MGAM2: variants seen among roughly 807,000 people sequenced by gnomAD.
MGAM2 encodes maltase-glucoamylase 2 (putative), also known as probable maltase-glucoamylase 2.
A neutral mutation model predicts 96.1 loss-of-function variants in MGAM2; 98 were observed. The ratio of observed to expected loss-of-function variants is 1.02; its 90% CI spans 0.87 to 1.21. The LOEUF (loss-of-function observed/expected upper bound fraction) is 1.21. Among genes scored for constraint, MGAM2 ranks in the 50% most tolerant of loss-of-function variants. The pLI is 0.00. For synonymous variants in MGAM2, 749 were observed against 414.8 expected (o/e 1.81, Z -9.79); for missense variants, 2,055 against 1,182.4 (o/e 1.74, Z -10.82).
intron 42 of MGAM2, 102 bp downstream of exon 42, chr7:142,197,830 C>G: frequency 1.5e-6 from 1 of 677,436 alleles, no homozygotes; most frequent in Non-Finnish European, 2.7e-6. Context: ...TCACTATTTT[C>G]AGGCGAATGC....
Position 142,148,195 on chromosome 7 carries a change from T to C in MGAM2, c.1634+622T>C, listed in dbSNP as rs192709770. On this transcript the variant is annotated intron_variant, in intron 15 of 47. Transcript: ENST00000477922. The surrounding 1 kb of genome is among the most constrained non-coding windows in gnomAD (Gnocchi z 4.2). ...AACCACACCATTACTACCACCATTA[T>C]TGCCATCACCACCACCATCACTACC... 2.8e-3 allele frequency among the ~76,000 whole-genome samples: 421 copies of C among 151,566 alleles called. 2 individuals carry two copies. The highest frequency in any genetic ancestry group is 7.1e-3 in the South Asian group (34 of 4,796).
At chr7:142,185,673 AG>A (rs1047085258) in intron 34 of MGAM2, among the ~76,000 whole-genome samples, 1 of 152,138 alleles carries the variant, frequency 6.6e-6, no homozygotes, top group Non-Finnish European at 1.5e-5. Context: ...AAAAAAAAAA[AG>A]AAAAAGTATT....
intron 2 of MGAM2, among the ~76,000 whole-genome samples, chr7:142,118,502 C>A (rs747398722): frequency 8.5e-5 from 13 of 152,160 alleles, no homozygotes; most frequent in Non-Finnish European, 1.5e-4. Context: ...ACTGTTTCCT[C>A]CAAATTCTGC....
At chr7:142,144,546 A>T (rs940805188) in intron 13 of MGAM2, among the ~76,000 whole-genome samples, 1 of 152,240 alleles carries the variant, frequency 6.6e-6, no homozygotes, top group African/African-American at 2.4e-5. Context: ...ATAAATATTT[A>T]CAATTTGTAA....
chr7:142,171,055 C>T lies in MGAM2; in HGVS notation c.3183-217C>T, dbSNP rs1329854602. 7 of 578,578 alleles carry T rather than the reference C, an allele frequency of 1.2e-5. No individual in the cohort carries two copies. The African/African-American group carries it at 1.3e-4, about 11-fold the overall frequency. The allele number at this position is 578,578 out of a possible 1,614,324, so 35.8% of individuals were successfully genotyped here. On this transcript the variant is annotated intron_variant, in intron 27 of 47. Coordinates refer to ENST00000477922, the MANE Select transcript of MGAM2 (RefSeq NM_001293626.2). Reference sequence around the variant, plus strand: ...TGCCCACAAGGACCCAGAAAAGGAGCTCTCAGTCTGACAAACCACAGAACA... The same window carrying T: ...TGCCCACAAGGACCCAGAAAAGGAGTTCTCAGTCTGACAAACCACAGAACA...
intron 17 of MGAM2, among the ~76,000 whole-genome samples, chr7:142,155,505 T>C (rs1329811159): frequency 1.3e-5 from 2 of 152,228 alleles, no homozygotes; most frequent in Non-Finnish European, 2.9e-5. Context: ...GGTTTAGCTC[T>C]TAATAGGTTC....
intron 5 of MGAM2, 85 bp downstream of exon 5, chr7:142,131,712 C>T: frequency 3.0e-6 from 2 of 658,592 alleles, no homozygotes; most frequent in Non-Finnish European, 5.5e-6. Context: ...CAGAAGGTAC[C>T]TCTCTCCCTC....
At chr7:142,178,873 A>G (rs1483049439) in intron 32 of MGAM2, among the ~76,000 whole-genome samples, 3 of 152,092 alleles carry the variant, frequency 2.0e-5, no homozygotes, top group African/African-American at 7.2e-5. Context: ...GGCCATTGTA[A>G]TGATGTTAAT....
At chr7:142,117,104 A>G in intron 2 of MGAM2, 125 bp downstream of exon 2, 1 of 637,024 alleles carries the variant, frequency 1.6e-6, no homozygotes, top group South Asian at 1.8e-5. Flanking sequence ...ATTCACTTCC[A>G]TGATTAGTTT....
chr7:142,142,517 G>GGT (rs1563257133), intron 12 of MGAM2, among the ~76,000 whole-genome samples: 3 of 137,282 alleles, frequency 2.2e-5, no homozygotes, highest in South Asian at 2.3e-4. Context: ...GGTGCATAGT[G>GGT]GTGTGTGTTT....
At chr7:142,203,922 T>G (rs1025386130) in intron 45 of MGAM2, among the ~76,000 whole-genome samples, 6 of 152,104 alleles carry the variant, frequency 3.9e-5, no homozygotes, top group African/African-American at 1.4e-4. Flanking sequence ...TGTTCTTCTT[T>G]TTCTTTGGTT....
chr7:142,185,366 G>A (rs1796662928), intron 34 of MGAM2, among the ~76,000 whole-genome samples: 1 of 152,168 alleles, frequency 6.6e-6, no homozygotes, highest in South Asian at 2.1e-4. Context: ...TCTCATAAGT[G>A]TGATTTTAAT....
At chr7:142,150,505 C>T (rs7780248) in intron 15 of MGAM2, among the ~76,000 whole-genome samples, 37,439 of 151,920 alleles carry the variant, frequency 0.25, 4,958 homozygotes, top group East Asian at 0.36. Context: ...CCCTTATCTC[C>T]CAGTAACCTA....
Position 142,134,172 on chromosome 7 carries a change from G to A in MGAM2, c.747+20G>A, listed in dbSNP as rs571807616. On this transcript the variant is annotated intron_variant, in intron 7 of 47. Coordinates refer to ENST00000477922, the MANE Select transcript of MGAM2 (RefSeq NM_001293626.2). ...ACCGAGGTGAGGTGGCTTTCCTCCT[G>A]AGTATCGCCCACAGTAAGGGATACC... 11 of 723,624 alleles carry A rather than the reference G, an allele frequency of 1.5e-5. No individual in the cohort carries two copies. Among genetic ancestry groups the A allele is most frequent in the South Asian group, 1.4e-4 (10 of 69,244 alleles). The allele number at this position is 723,624 out of a possible 1,614,324, so 44.8% of individuals were successfully genotyped here.
intron 8 of MGAM2, among the ~76,000 whole-genome samples, chr7:142,137,131 G>GT (rs1245417308): frequency 5.3e-5 from 8 of 150,476 alleles, no homozygotes; most frequent in Non-Finnish European, 1.0e-4. Context: ...TTTTTATAAC[G>GT]TTTTTTGAGT....
chr7:142,161,911 T>C, intron 22 of MGAM2, 44 bp from the exon 23 acceptor site: 1 of 663,870 alleles, frequency 1.5e-6, no homozygotes. Context: ...ACTCCCTGGC[T>C]GATTGGCTTC....
rs1158347268 is a variant in MGAM2 at position 142,138,630 on chromosome 7, A to T, written c.1049A>T (p.Glu350Val). ...TATGGTGGCATCAATAAATTGAAAG[A>T]AGTTGTAAGCCGAAATCGTTTAGCT... ...RDYGGINKLKEVVSRNRLAEI... is the reference protein window; with the variant it reads ...RDYGGINKLKVVVSRNRLAEI... Residue 350 changes from glutamate to valine, a missense_variant, in exon 10 of 48, where the codon GAA (glutamate) becomes GTA (valine). Glu to Val is a moderately radical substitution (Grantham distance 121, BLOSUM62 -2). Coordinates refer to ENST00000477922, the MANE Select transcript of MGAM2 (RefSeq NM_001293626.2). The T allele has an allele frequency of 2.8e-6, 2 of 702,852 alleles. No homozygotes were observed. Among genetic ancestry groups the T allele is most frequent in the African/African-American group, 3.5e-5 (2 of 57,250 alleles). The allele number at this position is 702,852 out of a possible 1,614,324, so 43.5% of individuals were successfully genotyped here. A position where few individuals can be genotyped will look rare whatever the true frequency, so the allele number is the denominator to read the frequency against.
chr7:142,189,325 C>G (rs1387052294), intron 36 of MGAM2, 42 bp from the exon 37 acceptor site: 1 of 626,704 alleles, frequency 1.6e-6, no homozygotes, highest in African/African-American at 1.8e-5. Context: ...AGTGAATGTG[C>G]AAATCATGTT....
chr7:142,118,128 C>T (rs1479755104), intron 2 of MGAM2, among the ~76,000 whole-genome samples: 6 of 152,148 alleles, frequency 3.9e-5, no homozygotes, highest in Non-Finnish European at 7.4e-5. Context: ...ATTCATCTCG[C>T]ATAACTGAAA....
Sources: allele counts gnomAD v4.1 joint callset (sites outside exome capture counted in the v4.1 genomes callset), GRCh38; gene constraint gnomAD v4.1.1; non-coding constraint Gnocchi (gnomAD v3.1); transcripts MANE v1.5; gene names NCBI Gene and HGNC (gene_info 2026-07-23, HGNC 2026-07-21).